Variants in GRM8 observed in about 807,000 individuals in gnomAD.
GRM8 encodes the protein glutamate metabotropic receptor 8, also known as metabotropic glutamate receptor 8.
GRM8 carries 47 observed loss-of-function variants against 87.2 expected under a neutral mutation model. That is an observed-to-expected ratio of 0.54 (90% confidence interval 0.43 to 0.69). The LOEUF is 0.69. Ranked by LOEUF, GRM8 falls within the 30% of genes least tolerant of loss-of-function variation. The pLI is 0.00. For synonymous variants in GRM8, 396 were observed against 404.5 expected (o/e 0.98, Z 0.25); for missense variants, 1,019 against 1,139.2 (o/e 0.89, Z 1.52).
At chr7:126,587,613 G>T (rs1021886821) in intron 8 of GRM8, among the ~76,000 whole-genome samples, 1 of 150,412 alleles carries the variant, frequency 6.6e-6, no homozygotes, top group East Asian at 2.0e-4. Context: ...TCACTCATAG[G>T]TGGGAATTGA....
rs79473164 is a variant in GRM8 at position 126,845,819 on chromosome 7, C to T, written c.1156+56723G>A. ...TCTTTTTGTAAGGATGAGTTCCTGT[C>T]CTAGGGTTTGAAGTCTAGATATCAT... On this transcript the variant is annotated intron_variant, in intron 6 of 10. Transcript: ENST00000339582. 6.6e-3 allele frequency among the ~76,000 whole-genome samples: 1,009 copies of T among 151,966 alleles called. 10 individuals carry two copies. Among genetic ancestry groups the T allele is most frequent in the Non-Finnish European group, 0.011 (745 of 67,974 alleles).
chr7:126,707,305 T>A (rs974253322), intron 7 of GRM8, among the ~76,000 whole-genome samples: 3 of 152,086 alleles, frequency 2.0e-5, no homozygotes, highest in African/African-American at 4.8e-5. Flanking sequence ...TATTTTTTTT[T>A]AAATAAGGCT....
At position 127,004,440 on chromosome 7, in the gene GRM8, AAAGT is replaced by A. The variant is rs778217072; in HGVS notation, c.728-99761_728-99758del. ...ACACAGAAACAAAAACAATTATTTA[AAAGT>A]AATATATACAGAAGATAGAAAAGAT... On this transcript the variant is annotated intron_variant, in intron 3 of 10. Transcript: ENST00000339582. Among the ~76,000 whole-genome samples, 25 of 151,846 alleles carry A rather than the reference AAAGT, an allele frequency of 1.6e-4. No homozygotes were observed. The East Asian group carries it at 4.6e-3, about 28-fold the overall frequency.
At chr7:126,545,898 A>G (rs147653162) in intron 8 of GRM8, among the ~76,000 whole-genome samples, 225 of 152,272 alleles carry the variant, frequency 1.5e-3, no homozygotes, top group African/African-American at 5.2e-3. Flanking sequence ...TTCATTTTAA[A>G]TTATTCTGTG....
In GRM8 at chr7:126,877,557, A is replaced by G. The variant is rs141447433; in HGVS notation, c.1156+24985T>C. ...CAGTGCTAGTCTAGACAACTGGACTACTCAAATTTCTCATCTCTACACTTT... is the reference window on the plus strand; with the variant it reads ...CAGTGCTAGTCTAGACAACTGGACTGCTCAAATTTCTCATCTCTACACTTT... On this transcript the variant is annotated intron_variant, in intron 6 of 10. Coordinates refer to ENST00000339582, the MANE Select transcript of GRM8 (RefSeq NM_000845.3). 2.8e-3 allele frequency among the ~76,000 whole-genome samples: 429 copies of G among 152,134 alleles called. 4 individuals carry two copies. Among genetic ancestry groups the G allele is most frequent in the African/African-American group, 9.8e-3 (407 of 41,426 alleles).
chr7:126,972,547 C>T (rs556055865), intron 3 of GRM8, among the ~76,000 whole-genome samples: 1 of 151,256 alleles, frequency 6.6e-6, no homozygotes, highest in African/African-American at 2.4e-5. Flanking sequence ...CAACTAAATT[C>T]TTTAATCAGC....
chr7:127,245,114 G>A (rs891125207), intron 1 of GRM8, among the ~76,000 whole-genome samples: 5 of 152,148 alleles, frequency 3.3e-5, no homozygotes, highest in African/African-American at 4.8e-5. Context: ...TTCCACAAAA[G>A]GAAACACTCA....
At chr7:126,628,049 CT>C (rs895832839) in intron 7 of GRM8, among the ~76,000 whole-genome samples, 11 of 151,076 alleles carry the variant, frequency 7.3e-5, no homozygotes, top group South Asian at 4.2e-4. Flanking sequence ...TTTTTCTTTT[CT>C]TTTTTTTTGT....
chr7:126,955,967 AC>A (rs908931603), intron 3 of GRM8, among the ~76,000 whole-genome samples: 9 of 152,142 alleles, frequency 5.9e-5, no homozygotes, highest in Non-Finnish European at 1.0e-4. Flanking sequence ...TTAAAAAAGA[AC>A]TTGGATGGTC....
intron 6 of GRM8, among the ~76,000 whole-genome samples, chr7:126,813,294 C>A (rs73720800): frequency 0.024 from 3,690 of 152,058 alleles, 161 homozygotes; most frequent in African/African-American, 0.084. Flanking sequence ...GCAGGCTTCA[C>A]CAAGGTTATG....
intron 8 of GRM8, among the ~76,000 whole-genome samples, chr7:126,575,705 C>T (rs1453123916): frequency 5.9e-5 from 9 of 152,090 alleles, no homozygotes; most frequent in Non-Finnish European, 7.4e-5. Context: ...TTTACATACA[C>T]ACTGTTTTTT....
intron 8 of GRM8, among the ~76,000 whole-genome samples, chr7:126,597,237 G>A (rs756937501): frequency 3.2e-4 from 48 of 152,150 alleles, no homozygotes; most frequent in South Asian, 6.2e-4. Context: ...AAGGTGTCAC[G>A]AGAAATTTTT....
At chr7:126,769,755 C>T (rs1818619059) in intron 7 of GRM8, 110 bp downstream of exon 7, 1 of 671,734 alleles carries the variant, frequency 1.5e-6, no homozygotes, top group African/African-American at 1.8e-5. Context: ...AAGAAGAGAA[C>T]TGCTTCTAAT....
chr7:127,085,123 C>A (rs912847407), intron 3 of GRM8, among the ~76,000 whole-genome samples: 8 of 152,198 alleles, frequency 5.3e-5, no homozygotes, highest in Admixed American at 2.0e-4. Flanking sequence ...TCATCCACGT[C>A]CCTGCAAAGG....
intron 2 of GRM8, among the ~76,000 whole-genome samples, chr7:127,182,209 A>G (rs2188184): frequency 0.67 from 102,152 of 152,014 alleles, 35,312 homozygotes; most frequent in African/African-American, 0.76. Flanking sequence ...ATTCTCAAAA[A>G]AAGATATACA....
chr7:127,168,844 G>A (rs1793610069), intron 2 of GRM8, among the ~76,000 whole-genome samples: 1 of 151,936 alleles, frequency 6.6e-6, no homozygotes, highest in South Asian at 2.1e-4. Context: ...ATCACACACG[G>A]GGGCCTGTCG....
At chr7:127,230,087 C>A (rs981128657) in intron 2 of GRM8, among the ~76,000 whole-genome samples, 4 of 152,040 alleles carry the variant, frequency 2.6e-5, no homozygotes, top group African/African-American at 9.7e-5. Flanking sequence ...GGGAGGGATT[C>A]TCCTAGGTTT....
chr7:126,527,231 A>T (rs939795010), intron 9 of GRM8, among the ~76,000 whole-genome samples: 1 of 152,144 alleles, frequency 6.6e-6, no homozygotes, highest in African/African-American at 2.4e-5. Context: ...AGTGGTGCAC[A>T]TCTGTAATCC....
At chr7:126,943,118 C>T (rs918081171) in intron 3 of GRM8, among the ~76,000 whole-genome samples, 2 of 152,156 alleles carry the variant, frequency 1.3e-5, no homozygotes, top group African/African-American at 4.8e-5. Context: ...TAGATTTTAT[C>T]AGATCGGCAG....
Sources: allele counts gnomAD v4.1 joint callset (sites outside exome capture counted in the v4.1 genomes callset), GRCh38; gene constraint gnomAD v4.1.1; transcripts MANE v1.5; gene names NCBI Gene and HGNC (gene_info 2026-07-23, HGNC 2026-07-21).